The following KIF2A variants were observed in gnomAD, a reference collection of about 807,000 sequenced individuals.
The protein encoded by KIF2A is kinesin-like protein KIF2A.
A neutral mutation model predicts 100.2 loss-of-function variants in KIF2A; 22 were observed. The ratio of observed to expected loss-of-function variants is 0.22; its 90% CI spans 0.16 to 0.31. The LOEUF (loss-of-function observed/expected upper bound fraction) is 0.31. KIF2A is among the 10% of genes least tolerant of loss of function. The pLI is 1.00. For missense variants in KIF2A, 495 were observed against 898.7 expected (o/e 0.55, Z 5.74); for synonymous variants, 268 against 285.9 (o/e 0.94, Z 0.63).
chr5:62,328,828 A>G (rs763137752), intron 1 of KIF2A, among the ~76,000 whole-genome samples: 4 of 152,098 alleles, frequency 2.6e-5, no homozygotes, highest in Non-Finnish European at 2.9e-5. Context: ...TAGCTACTTT[A>G]TGACATTTTT....
intron 3 of KIF2A, among the ~76,000 whole-genome samples, chr5:62,348,558 T>A (rs1196753875): frequency 6.6e-6 from 1 of 152,198 alleles, no homozygotes; most frequent in East Asian, 1.9e-4. Context: ...ATTCTGCTAT[T>A]TGTTTCTTAA....
intron 5 of KIF2A, 43 bp from the exon 6 acceptor site, chr5:62,353,231 TA>T: frequency 3.3e-6 from 4 of 1,196,650 alleles, no homozygotes; most frequent in Non-Finnish European, 4.6e-6. Flanking sequence ...ATTAGTACTC[TA>T]AAAAAGAAAA....
Position 62,363,174 on chromosome 5 carries a change from A to C in KIF2A, c.1120-4A>C. ...TTTTCTAATTTGAATATGGTTTTTC[A>C]TAGGTGTTTGACTTGCTAAACAGGA... On this transcript the variant is annotated splice_polypyrimidine_tract_variant and splice_region_variant and intron_variant, in intron 12 of 20. Coordinates refer to ENST00000407818, the MANE Select transcript of KIF2A (RefSeq NM_001098511.3). 1 of 1,596,450 alleles carries C rather than the reference A, an allele frequency of 6.3e-7. No homozygotes were observed.
At chr5:62,306,896 A>T in intron 1 of KIF2A, 1 of 235,412 alleles carries the variant, frequency 4.2e-6, no homozygotes, top group South Asian at 5.4e-5. Context: ...TTCGTTAGGG[A>T]TGACCCTGCC....
Position 62,381,112 on chromosome 5 carries a change from T to C in KIF2A, c.2014-6T>C. The C allele has an allele frequency of 6.2e-7, 1 of 1,605,474 alleles. No homozygotes were observed. Among genetic ancestry groups the C allele is most frequent in the Non-Finnish European group, 8.5e-7 (1 of 1,175,072 alleles). ...TTATTGGATTATCGAATTTTTGTCC[T>C]TGTAGGAATCTATTCGGTGGTTAGA... On this transcript the variant is annotated splice_region_variant and splice_polypyrimidine_tract_variant and intron_variant, in intron 19 of 20. Transcript: ENST00000407818.
At chr5:62,307,816 C>T in intron 1 of KIF2A, among the ~76,000 whole-genome samples, 1 of 152,224 alleles carries the variant, frequency 6.6e-6, no homozygotes, top group East Asian at 1.9e-4. Flanking sequence ...CGGGGTTTCA[C>T]CATGTTGACA....
intron 19 of KIF2A, among the ~76,000 whole-genome samples, chr5:62,378,867 A>G (rs905055991): frequency 3.3e-5 from 5 of 152,156 alleles, no homozygotes; most frequent in African/African-American, 1.2e-4. Flanking sequence ...GTGAGCTGAG[A>G]TCACACCACT....
chr5:62,331,601 C>A (rs1302553758), intron 1 of KIF2A, among the ~76,000 whole-genome samples: 6 of 151,658 alleles, frequency 4.0e-5, no homozygotes, highest in African/African-American at 1.5e-4. Flanking sequence ...AGAAAAAAAA[C>A]AAAATTATAA....
At chr5:62,375,961 G>C (rs920142870) in intron 18 of KIF2A, among the ~76,000 whole-genome samples, 8 of 152,108 alleles carry the variant, frequency 5.3e-5, no homozygotes, top group Non-Finnish European at 1.0e-4. Context: ...TGAGATTCTG[G>C]CCTCAGTCCA....
At chr5:62,342,875 C>T (rs944019200) in intron 1 of KIF2A, among the ~76,000 whole-genome samples, 4 of 151,952 alleles carry the variant, frequency 2.6e-5, no homozygotes, top group African/African-American at 9.7e-5. Flanking sequence ...GCATCAGCCT[C>T]CTGAGTAGCT....
At chr5:62,327,652 T>A (rs1483299391) in intron 1 of KIF2A, among the ~76,000 whole-genome samples, 2 of 152,218 alleles carry the variant, frequency 1.3e-5, no homozygotes, top group African/African-American at 2.4e-5. Context: ...CATTCTTCTT[T>A]ATGTACCTTT....
chr5:62,317,997 C>T (rs1745904810), intron 1 of KIF2A, among the ~76,000 whole-genome samples: 1 of 151,880 alleles, frequency 6.6e-6, no homozygotes, highest in South Asian at 2.1e-4. Flanking sequence ...AGATGAGCAA[C>T]AATATTGTCA....
rs374889152 is a variant in KIF2A at position 62,306,436 on chromosome 5, C to A, written c.-37C>A. ...CCCGCCTTTTCCGCCCTCCGGTCCCCCTCCCTCGGCCCGCTGCTGCTGCTC... is the reference window on the plus strand; with the variant it reads ...CCCGCCTTTTCCGCCCTCCGGTCCCACTCCCTCGGCCCGCTGCTGCTGCTC... On this transcript the variant is annotated 5_prime_UTR_variant, in exon 1 of 21. Transcript: ENST00000407818. 2.2e-4 allele frequency: 333 copies of A among 1,523,636 alleles called. 1 individual carries two copies. The highest frequency in any genetic ancestry group is 4.2e-4 in the Admixed American group (21 of 49,870). The allele number at this position is 1,523,636 out of a possible 1,614,324, so 94.4% of individuals were successfully genotyped here. A position where few individuals can be genotyped will look rare whatever the true frequency, so the allele number is the denominator to read the frequency against.
chr5:62,376,716 C>G (rs1298548595), intron 18 of KIF2A, among the ~76,000 whole-genome samples: 11 of 151,526 alleles, frequency 7.3e-5, no homozygotes. Context: ...CCACCACACC[C>G]AGCCGAAGTT....
intron 1 of KIF2A, among the ~76,000 whole-genome samples, chr5:62,317,085 T>C (rs1034526891): frequency 6.6e-6 from 1 of 152,064 alleles, no homozygotes; most frequent in Non-Finnish European, 1.5e-5. Context: ...GTTTCACTCT[T>C]GTTGCCCAGC....
At chr5:62,341,553 C>T (rs1289601059) in intron 1 of KIF2A, among the ~76,000 whole-genome samples, 1 of 152,180 alleles carries the variant, frequency 6.6e-6, no homozygotes, top group Non-Finnish European at 1.5e-5. Flanking sequence ...CCTCCTGCTT[C>T]TGCCTCCCAA....
At chr5:62,364,354 G>A (rs1336005823) in intron 14 of KIF2A, among the ~76,000 whole-genome samples, 1 of 152,016 alleles carries the variant, frequency 6.6e-6, no homozygotes, top group African/African-American at 2.4e-5. Context: ...CACCATGTTG[G>A]CTAGGCTGGT....
intron 18 of KIF2A, among the ~76,000 whole-genome samples, chr5:62,375,753 A>G (rs1223766700): frequency 6.6e-6 from 1 of 152,192 alleles, no homozygotes; most frequent in African/African-American, 2.4e-5. Context: ...CCAAAGCAAA[A>G]TGTATGGATA....
At chr5:62,376,894 C>CA (rs1480674387) in intron 18 of KIF2A, among the ~76,000 whole-genome samples, 1 of 152,064 alleles carries the variant, frequency 6.6e-6, no homozygotes, top group Non-Finnish European at 1.5e-5. Flanking sequence ...TGAATATACC[C>CA]AAATTGCGCA....
Sources: allele counts gnomAD v4.1 joint callset (sites outside exome capture counted in the v4.1 genomes callset), GRCh38; gene constraint gnomAD v4.1.1; transcripts MANE v1.5; gene names NCBI Gene and HGNC (gene_info 2026-07-23, HGNC 2026-07-21).